PDE7A: variants seen among roughly 807,000 people sequenced by gnomAD.
PDE7A encodes the protein phosphodiesterase 7A.
In PDE7A, 39 loss-of-function variants were observed where a neutral mutation model predicts 64.3. That is an observed-to-expected ratio of 0.61 (90% confidence interval 0.47 to 0.79). The LOEUF is 0.79. Among genes scored for constraint, PDE7A ranks in the 30% least tolerant of loss-of-function variants. The pLI is 0.00. For synonymous variants in PDE7A, 203 were observed against 206.8 expected (o/e 0.98, Z 0.16); for missense variants, 470 against 582.8 (o/e 0.81, Z 1.99).
intron 1 of PDE7A, among the ~76,000 whole-genome samples, chr8:65,814,288 G>C (rs1810329572): frequency 6.6e-6 from 1 of 151,758 alleles, no homozygotes; most frequent in South Asian, 2.1e-4. Context: ...GAGGCGGGCG[G>C]ATCACGAGGT....
At chr8:65,751,879 T>C (rs946501882) in intron 3 of PDE7A, among the ~76,000 whole-genome samples, 3 of 152,242 alleles carry the variant, frequency 2.0e-5, no homozygotes, top group Non-Finnish European at 4.4e-5. Context: ...TACAACCTGT[T>C]CTGCATCTTG....
intron 3 of PDE7A, among the ~76,000 whole-genome samples, chr8:65,749,986 A>G (rs1217474155): frequency 6.6e-6 from 1 of 151,742 alleles, no homozygotes; most frequent in Non-Finnish European, 1.5e-5. Flanking sequence ...CTTTATTACT[A>G]GAAAAAAGTG....
At chr8:65,801,000 A>T (rs1427083977) in intron 1 of PDE7A, among the ~76,000 whole-genome samples, 1 of 152,176 alleles carries the variant, frequency 6.6e-6, no homozygotes, top group Non-Finnish European at 1.5e-5. Context: ...AGTCAAAAAT[A>T]CACAGTGGCA....
chr8:65,811,642 T>C (rs1810261929), intron 1 of PDE7A, among the ~76,000 whole-genome samples: 1 of 152,222 alleles, frequency 6.6e-6, no homozygotes, highest in Non-Finnish European at 1.5e-5. Context: ...TTTATTTGGA[T>C]TAATCCTTTT....
chr8:65,829,163 A>G (rs1810748847), intron 1 of PDE7A, among the ~76,000 whole-genome samples: 1 of 152,108 alleles, frequency 6.6e-6, no homozygotes, highest in African/African-American at 2.4e-5. Flanking sequence ...CTAGAGAGTG[A>G]GCTCGCTGTA....
chr8:65,809,005 T>C (rs1200829480), intron 1 of PDE7A, among the ~76,000 whole-genome samples: 1 of 152,226 alleles, frequency 6.6e-6, no homozygotes. Flanking sequence ...GCATAACCTC[T>C]ACTCCTAAAG....
At chr8:65,751,343 C>T (rs1807944333) in intron 3 of PDE7A, among the ~76,000 whole-genome samples, 1 of 152,036 alleles carries the variant, frequency 6.6e-6, no homozygotes, top group Non-Finnish European at 1.5e-5. Context: ...GTTTCAAAAA[C>T]AAGAAGGGAG....
chr8:65,720,843 G>GT (rs2129063760), intron 12 of PDE7A, among the ~76,000 whole-genome samples: 1 of 152,274 alleles, frequency 6.6e-6, no homozygotes, highest in Admixed American at 6.5e-5. Context: ...GTGTTATGTT[G>GT]AGCCAGCCAC....
intron 1 of PDE7A, among the ~76,000 whole-genome samples, chr8:65,825,867 C>T (rs867251960): frequency 5.9e-5 from 9 of 151,954 alleles, no homozygotes; most frequent in African/African-American, 1.5e-4. Flanking sequence ...GGGGGTGAGG[C>T]GGAGATGAAT....
At chr8:65,729,614 A>G (rs1806756528) in intron 7 of PDE7A, among the ~76,000 whole-genome samples, 1 of 151,962 alleles carries the variant, frequency 6.6e-6, no homozygotes, top group Non-Finnish European at 1.5e-5. Context: ...CCCAGCCTGG[A>G]GTGCAGTGGT....
Position 65,718,130 on chromosome 8 carries a change from G to C in PDE7A, c.*1160C>G, listed in dbSNP as rs1458721519. 2 of 152,160 alleles carry C rather than the reference G, an allele frequency of 1.3e-5. No individual in the cohort carries two copies. Among genetic ancestry groups the C allele is most frequent in the Non-Finnish European group, 2.9e-5 (2 of 68,016 alleles). 9.4% of individuals were successfully genotyped at this position (152,160 alleles called of 1,614,324 possible). A position where few individuals can be genotyped will look rare whatever the true frequency, so the allele number is the denominator to read the frequency against. On this transcript the variant is annotated 3_prime_UTR_variant, in exon 13 of 13. Transcript: ENST00000401827. ...CTATGTGCATAGTTTAAGGCAACTG[G>C]AGCAATCTGTTACAGCTTACCTACC...
At chr8:65,831,534 T>C (rs865774216) in intron 1 of PDE7A, among the ~76,000 whole-genome samples, 1 of 152,136 alleles carries the variant, frequency 6.6e-6, no homozygotes, top group South Asian at 2.1e-4. Flanking sequence ...CAAATAGCTC[T>C]TCTTCAAAAC....
chr8:65,739,048 A>G (rs958324233), intron 6 of PDE7A, among the ~76,000 whole-genome samples: 4 of 152,342 alleles, frequency 2.6e-5, no homozygotes, highest in Middle Eastern at 3.4e-3. Context: ...TTCTGAGCCC[A>G]GGGCTCCAGC....
intron 1 of PDE7A, among the ~76,000 whole-genome samples, chr8:65,828,445 G>T (rs1187887768): frequency 1.3e-5 from 2 of 152,010 alleles, no homozygotes; most frequent in Non-Finnish European, 2.9e-5. Context: ...TGGATACAGA[G>T]TTTTCTGTTG....
At chr8:65,723,762 T>G in intron 11 of PDE7A, 141 bp from the exon 12 acceptor site, 1 of 509,354 alleles carries the variant, frequency 2.0e-6, no homozygotes, top group Non-Finnish European at 3.2e-6. Flanking sequence ...AATTAGTTCT[T>G]TTTAAAATTT....
intron 3 of PDE7A, among the ~76,000 whole-genome samples, chr8:65,759,406 A>G (rs951009783): frequency 1.3e-5 from 2 of 152,230 alleles, no homozygotes; most frequent in African/African-American, 4.8e-5. Flanking sequence ...GAGAACACCA[A>G]GGTCCCCACT....
chr8:65,795,448 T>C lies in PDE7A; in HGVS notation c.139-12605A>G, dbSNP rs73693422. On this transcript the variant is annotated intron_variant, in intron 1 of 12. Transcript: ENST00000401827. The stretch of plus-strand genomic sequence containing the variant: ...TCCAGAAGTCTGATGGTGGATCCCC[T>C]TGAATCTTTGGCTGAATACTAAGCT... 7.7e-3 allele frequency among the ~76,000 whole-genome samples: 1,177 copies of C among 152,310 alleles called. 10 individuals are homozygous for C. Among genetic ancestry groups the C allele is most frequent in the African/African-American group, 0.026 (1,066 of 41,564 alleles).
intron 1 of PDE7A, among the ~76,000 whole-genome samples, chr8:65,809,423 C>G (rs1810188316): frequency 6.6e-6 from 1 of 152,138 alleles, no homozygotes; most frequent in Admixed American, 6.5e-5. Flanking sequence ...CTGCATTACT[C>G]TTTTTAAGTT....
intron 3 of PDE7A, among the ~76,000 whole-genome samples, chr8:65,755,645 A>G (rs1808197172): frequency 6.6e-6 from 1 of 152,258 alleles, no homozygotes. Flanking sequence ...TATAAGTAAA[A>G]GAGGTGTTAT....
Sources: allele counts gnomAD v4.1 joint callset (sites outside exome capture counted in the v4.1 genomes callset), GRCh38; gene constraint gnomAD v4.1.1; transcripts MANE v1.5; gene names NCBI Gene and HGNC (gene_info 2026-07-23, HGNC 2026-07-21).